ACYP1: variants seen among roughly 807,000 people sequenced by gnomAD.
ACYP1 encodes the protein acylphosphatase-1.
A neutral mutation model predicts 10.4 loss-of-function variants in ACYP1; 8 were observed. That is an observed-to-expected ratio of 0.77 (90% CI 0.45 to 1.38). The LOEUF (loss-of-function observed/expected upper bound fraction) is 1.38. ACYP1 is among the 40% of genes most tolerant of loss of function. ACYP1 has a pLI of 0.00. For synonymous variants in ACYP1, 38 were observed against 40.8 expected (o/e 0.93, Z 0.26); for missense variants, 93 against 117.3 (o/e 0.79, Z 0.96).
upstream of ACYP1, among the ~76,000 whole-genome samples, chr14:75,068,858 GAAA>G (rs1244506038): frequency 4.6e-5 from 7 of 152,148 alleles, 1 homozygote; most frequent in Non-Finnish European, 1.5e-5. Context: ...TAGTTACAGG[GAAA>G]AAGCGAACTG....
chr14:75,059,261 C>T (rs1477307206), intron 2 of ACYP1, among the ~76,000 whole-genome samples: 4 of 150,878 alleles, frequency 2.7e-5, no homozygotes, highest in South Asian at 2.1e-4. Flanking sequence ...AATCCCAGCA[C>T]TTTGGGAGGC....
At chr14:75,064,098 C>A, upstream of ACYP1, 1 of 931,462 alleles carries the variant, frequency 1.1e-6, no homozygotes, top group Non-Finnish European at 1.3e-6. Flanking sequence ...TCCAGCTGAC[C>A]AATCAGAGAC....
chr14:75,062,582 G>A (rs1404656102), intron 2 of ACYP1, among the ~76,000 whole-genome samples: 1 of 150,660 alleles, frequency 6.6e-6, no homozygotes, highest in Non-Finnish European at 1.5e-5. Flanking sequence ...TGGGGAGGCT[G>A]AGGCGGATGG....
rs530551568 is a variant in ACYP1, at chr14:75,061,101, C to CAACAAA, written c.84+2368_84+2369insTTTGTT. Among the ~76,000 whole-genome samples the CAACAAA allele has an allele frequency of 4.6e-5, 7 of 151,532 alleles. 2 individuals are homozygous for CAACAAA. Among genetic ancestry groups the CAACAAA allele is most frequent in the Non-Finnish European group, 7.4e-5 (5 of 67,894 alleles). The stretch of plus-strand genomic sequence containing the variant: ...TCAACAACAACAACAACAACAACAA[C>CAACAAA]AATCTAGAATAGGCAAATCCATAGA... On this transcript the variant is annotated intron_variant, in intron 2 of 2. Coordinates refer to ENST00000238618, the MANE Select transcript of ACYP1 (RefSeq NM_001107.5).
exon 1 of ACYP1, chr14:75,069,284 G>T (rs1346184512): frequency 3.1e-5 from 45 of 1,441,978 alleles, no homozygotes; most frequent in Middle Eastern, 2.2e-4. Context: ...GCGGGCGGAC[G>T]CCGGCATCCT....
upstream of ACYP1, among the ~76,000 whole-genome samples, chr14:75,067,222 CACACAT>C (rs1481511016): frequency 1.6e-4 from 22 of 139,604 alleles, no homozygotes; most frequent in South Asian, 2.3e-4. Flanking sequence ...CACACACACA[CACACAT>C]ATATATGAAA....
chr14:75,067,698 T>C (rs118006193), upstream of ACYP1, among the ~76,000 whole-genome samples: 66 of 152,194 alleles, frequency 4.3e-4, no homozygotes, highest in East Asian at 9.7e-4. Context: ...AACTTGAAGT[T>C]AACAAGATGC....
At chr14:75,068,839 T>C (rs1258497546), upstream of ACYP1, among the ~76,000 whole-genome samples, 3 of 152,168 alleles carry the variant, frequency 2.0e-5, no homozygotes, top group African/African-American at 4.8e-5. Context: ...TCCATGTGCA[T>C]GAATTGAGTA....
At chr14:75,066,213 T>C (rs1046517303), upstream of ACYP1, among the ~76,000 whole-genome samples, 1 of 152,182 alleles carries the variant, frequency 6.6e-6, no homozygotes, top group Admixed American at 6.5e-5. Flanking sequence ...GCATTTCAAC[T>C]TTATTCTATA....
chr14:75,067,989 G>A (rs189160850), upstream of ACYP1, among the ~76,000 whole-genome samples: 5 of 151,772 alleles, frequency 3.3e-5, no homozygotes, highest in East Asian at 1.9e-4. Context: ...ACAGAGTGAG[G>A]CCCTGTCTCA....
chr14:75,062,236 C>T (rs181928162), intron 2 of ACYP1, among the ~76,000 whole-genome samples: 1 of 149,410 alleles, frequency 6.7e-6, no homozygotes, highest in African/African-American at 2.5e-5. Context: ...GAGTTTGAGA[C>T]CAGCCTGGGC....
chr14:75,062,685 G>GT (rs1893057910), intron 2 of ACYP1, among the ~76,000 whole-genome samples: 1 of 142,230 alleles, frequency 7.0e-6, no homozygotes, highest in African/African-American at 2.6e-5. Flanking sequence ...AAAAAAAGAA[G>GT]TTTTGCAGTC....
At chr14:75,069,231 C>G in exon 1 of ACYP1, 1 of 1,503,962 alleles carries the variant, frequency 6.6e-7, no homozygotes, top group Non-Finnish European at 8.8e-7. Context: ...CCAGCGCAGC[C>G]GAGCGCGCGG....
intron 2 of ACYP1, chr14:75,060,200 G>T (rs1228000163): frequency 3.0e-6 from 2 of 665,756 alleles, no homozygotes; most frequent in Non-Finnish European, 5.4e-6. Flanking sequence ...TTTTAATGTG[G>T]TTTAGTTCCA....
chr14:75,054,339 C>T (rs1892823821), intron 2 of ACYP1, among the ~76,000 whole-genome samples: 1 of 151,662 alleles, frequency 6.6e-6, no homozygotes, highest in African/African-American at 2.4e-5. Context: ...TTTCACTTCA[C>T]TTTCTTCTCT....
upstream of ACYP1, among the ~76,000 whole-genome samples, chr14:75,065,355 C>T (rs1182970186): frequency 6.6e-6 from 1 of 152,150 alleles, no homozygotes; most frequent in African/African-American, 2.4e-5. Flanking sequence ...TGCTAGTTCC[C>T]CGCTAGAGTG....
intron 2 of ACYP1, 92 bp from the exon 3 acceptor site, chr14:75,053,751 A>T: frequency 1.6e-6 from 2 of 1,212,136 alleles, no homozygotes; most frequent in South Asian, 1.3e-5. Context: ...CCTAGAATCA[A>T]GCCACTGAAA....
chr14:75,064,127 C>G (rs1255631394), upstream of ACYP1: 2 of 770,896 alleles, frequency 2.6e-6, no homozygotes, highest in Non-Finnish European at 3.2e-6. Flanking sequence ...GGCCCGGGCC[C>G]GCCCAGAAGG....
chr14:75,060,008 A>G (rs1455379249), intron 2 of ACYP1: 1 of 345,744 alleles, frequency 2.9e-6, no homozygotes, highest in African/African-American at 2.1e-5. Flanking sequence ...CAGTTTTGCA[A>G]GATGAAAAGC....
Sources: allele counts gnomAD v4.1 joint callset (sites outside exome capture counted in the v4.1 genomes callset), GRCh38; gene constraint gnomAD v4.1.1; transcripts MANE v1.5; gene names NCBI Gene and HGNC (gene_info 2026-07-23, HGNC 2026-07-21).